The following PALM2AKAP2 variants were observed in gnomAD, a reference collection of about 807,000 sequenced individuals.
PALM2AKAP2 encodes PALM2-AKAP2 fusion protein.
Under a neutral mutation model 71.5 loss-of-function variants are expected in PALM2AKAP2, and 37 were observed. The observed-to-expected ratio is 0.52, with a 90% CI of 0.40 to 0.68. The LOEUF (loss-of-function observed/expected upper bound fraction) is 0.68. Among genes scored for constraint, PALM2AKAP2 ranks in the 30% least tolerant of loss-of-function variants. PALM2AKAP2 has a pLI of 0.00. For missense variants in PALM2AKAP2, 1,224 were observed against 1,191.8 expected, an observed-to-expected ratio of 1.03 and a Z score of -0.40; for synonymous variants, 468 against 478.8, an observed-to-expected ratio of 0.98 and a Z score of 0.29.
At chr9:109,847,150 A>G (rs139716585) in intron 1 of PALM2AKAP2, among the ~76,000 whole-genome samples, 44 of 152,218 alleles carry the variant, frequency 2.9e-4, no homozygotes, top group East Asian at 2.1e-3. Context: ...TGCAGATGCA[A>G]TTAGGAATCT....
At chr9:109,644,961 G>A (rs1239640221) in intron 1 of PALM2AKAP2, among the ~76,000 whole-genome samples, 1 of 152,160 alleles carries the variant, frequency 6.6e-6, no homozygotes, top group Non-Finnish European at 1.5e-5. Context: ...ACATTTTCCT[G>A]TCTTCTTCTG....
At chr9:109,843,234 T>C (rs1324485476) in intron 1 of PALM2AKAP2, among the ~76,000 whole-genome samples, 1 of 142,366 alleles carries the variant, frequency 7.0e-6, no homozygotes, top group Non-Finnish European at 1.5e-5. Context: ...CCCAGGACTT[T>C]GGTGCTGCAG....
intron 6 of PALM2AKAP2, among the ~76,000 whole-genome samples, chr9:109,991,710 G>A (rs1186037752): frequency 6.6e-6 from 1 of 152,226 alleles, no homozygotes; most frequent in Non-Finnish European, 1.5e-5. Flanking sequence ...ACGTAGCTCT[G>A]GTGGCCGCTA....
chr9:109,917,434 C>G (rs1830718254), intron 3 of PALM2AKAP2, among the ~76,000 whole-genome samples: 1 of 151,376 alleles, frequency 6.6e-6, no homozygotes, highest in Non-Finnish European at 1.5e-5. Context: ...GTCCCTGTAC[C>G]TGGCAGGAAG....
intron 1 of PALM2AKAP2, among the ~76,000 whole-genome samples, chr9:109,838,233 CTG>C (rs1828539710): frequency 6.6e-6 from 1 of 152,224 alleles, no homozygotes; most frequent in African/African-American, 2.4e-5. Flanking sequence ...TCACTCAAAA[CTG>C]CACAACTACA....
rs142316073 is a variant in PALM2AKAP2, at chr9:109,713,497, A to G, written c.6-66991A>G. On this transcript the variant is annotated intron_variant, in intron 1 of 6. Transcript: ENST00000374531. ...TTATGTCAGGGAATACTATTTTTCT[A>G]TATATGCTAGTGATATAAAGTCTCC... Among the ~76,000 whole-genome samples the G allele has an allele frequency of 2.2e-4, 34 of 152,324 alleles. 1 individual carries two copies. The East Asian group carries it at 6.4e-3, about 28-fold the overall frequency.
chr9:109,707,507 G>A (rs895129374), intron 1 of PALM2AKAP2, among the ~76,000 whole-genome samples: 2 of 152,232 alleles, frequency 1.3e-5, no homozygotes, highest in African/African-American at 2.4e-5. Context: ...CAGGGACAGC[G>A]TCCGTGTCCA....
intron 6 of PALM2AKAP2, among the ~76,000 whole-genome samples, chr9:109,990,643 A>G (rs1832462613): frequency 6.6e-6 from 1 of 152,224 alleles, no homozygotes; most frequent in Non-Finnish European, 1.5e-5. Flanking sequence ...CTGTCAAAGT[A>G]AAAGTGAAGC....
chr9:110,006,370 C>CTTTA (rs778951404), intron 6 of PALM2AKAP2, among the ~76,000 whole-genome samples: 1 of 116,564 alleles, frequency 8.6e-6, no homozygotes, highest in Non-Finnish European at 1.8e-5. Flanking sequence ...TTCTTTCTTT[C>CTTTA]TTCTCTCTTT....
intron 1 of PALM2AKAP2, among the ~76,000 whole-genome samples, chr9:109,843,294 C>A: frequency 8.0e-6 from 1 of 124,498 alleles, no homozygotes. Context: ...AGAGTGAGCC[C>A]CTGTCTCAAA....
intron 1 of PALM2AKAP2, among the ~76,000 whole-genome samples, chr9:109,796,549 A>G (rs1168114897): frequency 6.6e-6 from 1 of 152,222 alleles, no homozygotes; most frequent in East Asian, 1.9e-4. Flanking sequence ...TCACACTGCT[A>G]TAAATAACTT....
chr9:109,676,724 A>G (rs1564109620), intron 1 of PALM2AKAP2, among the ~76,000 whole-genome samples: 1 of 152,184 alleles, frequency 6.6e-6, no homozygotes, highest in Non-Finnish European at 1.5e-5. Flanking sequence ...TTAAGGAGGG[A>G]CAGAAAGAGA....
At chr9:109,779,327 T>A (rs538368749), upstream of PALM2AKAP2, among the ~76,000 whole-genome samples, 1 of 152,328 alleles carries the variant, frequency 6.6e-6, no homozygotes, top group Admixed American at 6.5e-5. Context: ...CATGGTATCC[T>A]GTTTTAGTAA....
intron 6 of PALM2AKAP2, among the ~76,000 whole-genome samples, chr9:109,994,756 A>G (rs1832544140): frequency 6.6e-6 from 1 of 151,826 alleles, no homozygotes; most frequent in Non-Finnish European, 1.5e-5. Flanking sequence ...TTGTCCCCCA[A>G]CACTCATATT....
intron 1 of PALM2AKAP2, among the ~76,000 whole-genome samples, chr9:109,799,959 G>A (rs1827376957): frequency 1.3e-5 from 2 of 152,176 alleles, no homozygotes; most frequent in East Asian, 1.9e-4. Flanking sequence ...ACTTTCAGAG[G>A]AGCCTGGGAA....
At chr9:109,917,764 G>A (rs935016852) in intron 3 of PALM2AKAP2, among the ~76,000 whole-genome samples, 3 of 152,142 alleles carry the variant, frequency 2.0e-5, no homozygotes, top group African/African-American at 7.2e-5. Context: ...AAAGTGCTGG[G>A]ATTACAGGCA....
chr9:110,027,034 T>A (rs1439206390), intron 7 of PALM2AKAP2, among the ~76,000 whole-genome samples: 2 of 152,108 alleles, frequency 1.3e-5, no homozygotes, highest in Non-Finnish European at 2.9e-5. Context: ...TAGAGCGAGA[T>A]GCAGTCTCAA....
intron 2 of PALM2AKAP2, among the ~76,000 whole-genome samples, chr9:109,869,692 G>A (rs1829553595): frequency 1.4e-5 from 1 of 69,950 alleles, no homozygotes. Context: ...AGAAACAACA[G>A]TAGAAATTAA....
chr9:110,156,481 G>A (rs758239502), exon 3 of PALM2AKAP2: 33 of 1,609,030 alleles, frequency 2.1e-5, no homozygotes, highest in Non-Finnish European at 2.8e-5. Context: ...AGGCGCGAGA[G>A]AATGGATGAT....
Sources: gnomAD v4.1 joint callset for allele counts (sites outside exome capture counted in the v4.1 genomes callset) on GRCh38, gnomAD v4.1.1 for gene constraint, MANE v1.5 for transcripts, NCBI Gene and HGNC (gene_info 2026-07-23, HGNC 2026-07-21) for gene names.